The following KCNA3 variants were observed in gnomAD, a reference collection of about 807,000 sequenced individuals.
KCNA3 encodes the protein RP11-284N8.3.
In KCNA3, 18 loss-of-function variants were observed where a neutral mutation model predicts 34.3. The observed-to-expected ratio is 0.52, with a 90% CI of 0.36 to 0.78. The LOEUF (loss-of-function observed/expected upper bound fraction) is 0.78, where lower values mean the gene tolerates loss of function less well. Ranked by LOEUF, KCNA3 falls within the 30% of genes least tolerant of loss-of-function variation. The pLI, the probability that KCNA3 is intolerant of heterozygous loss-of-function variation, is 0.00. For missense variants in KCNA3, 587 were observed against 802.5 expected (o/e 0.73, Z 3.24); for synonymous variants, 324 against 351.7 (o/e 0.92, Z 0.88).
chr1:110,661,594 C>T, the KCNA3 span, among the ~76,000 whole-genome samples: 5,162 of 152,218 alleles, frequency 0.034, 101 homozygotes, highest in South Asian at 0.077. Context: ...CTTTGCTTAC[C>T]TTGAGAAGTC....
chr1:110,660,947 T>C, the KCNA3 span, among the ~76,000 whole-genome samples: 2 of 152,198 alleles, frequency 1.3e-5, no homozygotes, highest in African/African-American at 4.8e-5. Context: ...TAGGAGGTAC[T>C]CAGTAAATAC....
Position 110,673,109 on chromosome 1 carries a change from G to A in KCNA3, c.1701C>T (p.Asn567=), listed in dbSNP as rs1651947621. The A allele has an allele frequency of 3.7e-6, 6 of 1,612,602 alleles. No individual in the cohort carries two copies. In the East Asian group the frequency reaches 6.7e-5, roughly 18 times the overall value. ...AAACATCGGTGAATATCTTTTTGAT[G>A]TTGACACAAGAGTTGGGATTATTGT... The part of the protein sequence containing the change: ...TTNNNPNSCV[N]IKKIFTDV The change falls in exon 1 of 1, where the codon AAC becomes AAT. Residue 567 remains asparagine, a synonymous_variant. Coordinates refer to ENST00000369769, the MANE Select transcript of KCNA3 (RefSeq NM_002232.5). The surrounding 1 kb of genome is among the most constrained non-coding windows in gnomAD (Gnocchi z 8.8).
the KCNA3 span, among the ~76,000 whole-genome samples, chr1:110,660,119 T>C: frequency 2.0e-5 from 3 of 152,228 alleles, no homozygotes; most frequent in African/African-American, 7.2e-5. Flanking sequence ...ATTCATTATA[T>C]ATTTTTTAAA....
the KCNA3 span, among the ~76,000 whole-genome samples, chr1:110,666,284 A>T: frequency 6.6e-6 from 1 of 152,146 alleles, no homozygotes; most frequent in Non-Finnish European, 1.5e-5. Flanking sequence ...GAATTGAAAA[A>T]ACCAGAGTCA....
At chr1:110,671,081 G>C (rs1224234951), downstream of KCNA3, among the ~76,000 whole-genome samples, 2 of 152,104 alleles carry the variant, frequency 1.3e-5, no homozygotes, top group Non-Finnish European at 2.9e-5. Context: ...CTGTACCACT[G>C]CATACTATTA....
chr1:110,674,648 G>C lies in KCNA3; in HGVS notation c.162C>G (p.Thr54=). The change falls in exon 1 of 1, where the codon ACC becomes ACG. Residue 54 remains threonine, a synonymous_variant. Coordinates refer to ENST00000369769, the MANE Select transcript of KCNA3 (RefSeq NM_002232.5). This position sits in a 1 kb window ranked among gnomAD's most constrained non-coding sequence, Gnocchi z 6.4. ...AAGRELPPDM[T]VVPGDHLLEP... ...CCAGCAGGTGGTCCCCGGGCACCAC[G>C]GTCATGTCGGGCGGCAGCTCGCGGC... 2 of 1,532,068 alleles carry C rather than the reference G, an allele frequency of 1.3e-6. No homozygotes were observed. Among genetic ancestry groups the C allele is most frequent in the Non-Finnish European group, 1.7e-6 (2 of 1,150,562 alleles). The allele number at this position is 1,532,068 out of a possible 1,614,324, so 94.9% of individuals were successfully genotyped here. A position where few individuals can be genotyped will look rare whatever the true frequency, so the allele number is the denominator to read the frequency against.
the KCNA3 span, among the ~76,000 whole-genome samples, chr1:110,664,148 T>C: frequency 6.6e-6 from 1 of 152,212 alleles, no homozygotes; most frequent in African/African-American, 2.4e-5. Context: ...TTTCTTAGAA[T>C]GTCTGCTAGA....
At chr1:110,667,258 C>T in the KCNA3 span, among the ~76,000 whole-genome samples, 1 of 152,170 alleles carries the variant, frequency 6.6e-6, no homozygotes, top group South Asian at 2.1e-4. Flanking sequence ...TGATATAAAA[C>T]ATGTAGGCAT....
chr1:110,674,452 T>C lies in KCNA3; in HGVS notation c.358A>G (p.Lys120Glu). 6.2e-7 allele frequency: 1 copy of C among 1,614,004 alleles called. No homozygotes were observed. Among genetic ancestry groups the C allele is most frequent in the South Asian group, 1.1e-5 (1 of 91,068 alleles). The change falls in exon 1 of 1, where the codon AAG (lysine) becomes GAG (glutamate). Residue 120 changes from lysine (K) to glutamate (E), a missense_variant. Lys to Glu is a moderately conservative substitution (Grantham distance 56). Coordinates refer to ENST00000369769, the MANE Select transcript of KCNA3 (RefSeq NM_002232.5). The surrounding 1 kb of genome is among the most constrained non-coding windows in gnomAD (Gnocchi z 6.4). ...ISGLRFETQL[K>E]TLCQFPETLL... The stretch of plus-strand genomic sequence containing the variant: ...GTCTCGGGGAACTGGCAAAGGGTCT[T>C]CAGCTGCGTCTCGAAGCGCAGCCCG...
rs1426472425 is a variant in KCNA3 at position 110,674,039 on chromosome 1, C to T, written c.771G>A (p.Pro257=). The stretch of plus-strand genomic sequence containing the variant: ...GGTAGTCCTTCTCGTCGCGGAACTC[C>T]GGCAGCGTCTCCAGGCAGAAGATGA... ...SIVIFCLETL[P]EFRDEKDYPA... The change falls in exon 1 of 1, where the codon CCG becomes CCA. Residue 257 remains proline (P), a synonymous_variant. Transcript: ENST00000369769. The surrounding 1 kb of genome is among the most constrained non-coding windows in gnomAD (Gnocchi z 6.4). 3.1e-6 allele frequency: 5 copies of T among 1,607,900 alleles called. No homozygotes were observed. The highest frequency in any genetic ancestry group is 3.4e-5 in the Admixed American group (2 of 59,530).
chr1:110,658,873 T>C, the KCNA3 span, among the ~76,000 whole-genome samples: 1 of 152,168 alleles, frequency 6.6e-6, no homozygotes, highest in African/African-American at 2.4e-5. Flanking sequence ...TAGTAAGTAC[T>C]AACACATTTT....
rs375722863 is a variant in KCNA3, at chr1:110,673,039, G to T, written c.*43C>A. ...GGGCATAGGCAGACCAAGGGGGCAC[G>T]TTCCACACAATACTGAGCACAGCAT... On this transcript the variant is annotated 3_prime_UTR_variant, in exon 1 of 1. Coordinates refer to ENST00000369769, the MANE Select transcript of KCNA3 (RefSeq NM_002232.5). This position sits in a 1 kb window ranked among gnomAD's most constrained non-coding sequence, Gnocchi z 8.8. 1.3e-4 allele frequency: 197 copies of T among 1,553,680 alleles called. No homozygotes were observed. In the East Asian group the frequency reaches 2.6e-3, roughly 20 times the overall value.
chr1:110,662,766 T>C, the KCNA3 span, among the ~76,000 whole-genome samples: 2 of 152,228 alleles, frequency 1.3e-5, no homozygotes, highest in African/African-American at 2.4e-5. Flanking sequence ...CTGTGAGGTA[T>C]AATTGATACT....
downstream of KCNA3, among the ~76,000 whole-genome samples, chr1:110,669,908 T>C (rs1651823173): frequency 1.3e-5 from 2 of 152,208 alleles, no homozygotes; most frequent in South Asian, 4.1e-4. Flanking sequence ...AATTATACAG[T>C]GCTTGTGAGT....
downstream of KCNA3, among the ~76,000 whole-genome samples, chr1:110,669,644 T>C (rs1651814879): frequency 6.6e-6 from 1 of 152,164 alleles, no homozygotes; most frequent in Non-Finnish European, 1.5e-5. Flanking sequence ...AGCATGGGTT[T>C]CAGAGCCAGA....
At chr1:110,655,871 C>T in the KCNA3 span, 3 of 152,114 alleles carry the variant, frequency 2.0e-5, no homozygotes, top group South Asian at 4.2e-4. Context: ...TAGGTATAGT[C>T]GCCTCTTATC....
the KCNA3 span, among the ~76,000 whole-genome samples, chr1:110,662,930 A>G: frequency 1.3e-5 from 2 of 152,304 alleles, no homozygotes; most frequent in South Asian, 4.1e-4. Flanking sequence ...TGCTTGGAGT[A>G]GTTATTTCTG....
downstream of KCNA3, among the ~76,000 whole-genome samples, chr1:110,670,433 C>T (rs1359360839): frequency 6.6e-6 from 1 of 152,142 alleles, no homozygotes; most frequent in African/African-American, 2.4e-5. Flanking sequence ...TATGGCACAA[C>T]CATAATTTAC....
At chr1:110,661,272 C>G in the KCNA3 span, among the ~76,000 whole-genome samples, 3 of 152,074 alleles carry the variant, frequency 2.0e-5, no homozygotes, top group Admixed American at 6.5e-5. Flanking sequence ...TACTGTATGC[C>G]TACTGTGTGC....
Sources: allele counts gnomAD v4.1 joint callset (sites outside exome capture counted in the v4.1 genomes callset), GRCh38; gene constraint gnomAD v4.1.1; non-coding constraint Gnocchi (gnomAD v3.1); transcripts MANE v1.5; gene names NCBI Gene and HGNC (gene_info 2026-07-23, HGNC 2026-07-21).